UBN1: variants seen among roughly 807,000 people sequenced by gnomAD.
UBN1 encodes ubinuclein-1.
In UBN1, 17 loss-of-function variants were observed where a neutral mutation model predicts 108.5. The ratio of observed to expected loss-of-function variants is 0.16; its 90% CI spans 0.11 to 0.24. The LOEUF (loss-of-function observed/expected upper bound fraction) is 0.24. Among genes scored for constraint, UBN1 ranks in the 10% least tolerant of loss-of-function variants. The pLI, the probability that UBN1 is intolerant of heterozygous loss-of-function variation, is 1.00. For synonymous variants in UBN1, 726 were observed against 564.2 expected (o/e 1.29, Z -4.07); for missense variants, 1,595 against 1,394.4 (o/e 1.14, Z -2.29).
Position 4,877,919 on chromosome 16 carries a change from A to G in UBN1, c.3355+445A>G, listed in dbSNP as rs931605653. On this transcript the variant is annotated intron_variant, in intron 17 of 17. Coordinates refer to ENST00000262376, the MANE Select transcript of UBN1 (RefSeq NM_001079514.3). This position sits in a 1 kb window ranked among gnomAD's most constrained non-coding sequence, Gnocchi z 4.3. ...GTGATTGCTTAACAGAAGGCTCTCT[A>G]AACTTTGTTTCCATTAAAGGGAAAA... 2.3e-5 allele frequency: 20 copies of G among 853,554 alleles called. No homozygotes were observed. Among genetic ancestry groups the G allele is most frequent in the Non-Finnish European group, 2.8e-5 (20 of 709,506 alleles). 52.9% of individuals were successfully genotyped at this position (853,554 alleles called of 1,614,324 possible). A position where few individuals can be genotyped will look rare whatever the true frequency, so the allele number is the denominator to read the frequency against.
At chr16:4,878,226 C>A (rs1435822828) in intron 17 of UBN1, among the ~76,000 whole-genome samples, 1 of 152,132 alleles carries the variant, frequency 6.6e-6, no homozygotes, top group Non-Finnish European at 1.5e-5. Context: ...GGTACGCCTC[C>A]TGGAATTCTG....
In UBN1 at chr16:4,880,963, T is replaced by C. The variant is rs540578402; in HGVS notation, c.*831T>C. ...TGAGACGAAGACCTTTTTAAAGATATGTCTGTATTGAAGAGAAAGCCAGTT... is the reference window on the plus strand; with the variant it reads ...TGAGACGAAGACCTTTTTAAAGATACGTCTGTATTGAAGAGAAAGCCAGTT... On this transcript the variant is annotated 3_prime_UTR_variant, in exon 18 of 18. Transcript: ENST00000262376. The C allele has an allele frequency of 4.7e-4, 72 of 152,558 alleles. No homozygotes were observed. Among genetic ancestry groups the C allele is most frequent in the African/African-American group, 1.5e-3 (64 of 41,570 alleles). 9.5% of individuals were successfully genotyped at this position (152,558 alleles called of 1,614,324 possible). A position where few individuals can be genotyped will look rare whatever the true frequency, so the allele number is the denominator to read the frequency against.
intron 8 of UBN1, among the ~76,000 whole-genome samples, chr16:4,869,467 C>T (rs2087502148): frequency 6.6e-6 from 1 of 152,222 alleles, no homozygotes; most frequent in Non-Finnish European, 1.5e-5. Context: ...AAAAGTGAAT[C>T]CTTGTGGCCT....
chr16:4,862,011 AATTAAGCACTGAGAATTGTCTGTTCAAGT>A (rs2087090233), intron 7 of UBN1, among the ~76,000 whole-genome samples: 1 of 152,228 alleles, frequency 6.6e-6, no homozygotes, highest in South Asian at 2.1e-4. Context: ...AGTGATTGGG[AATTAAGCACTGAGAATTGTCTGTTCAAGT>A]AACACATTTC....
At chr16:4,849,600 T>A (rs1452679953) in intron 1 of UBN1, among the ~76,000 whole-genome samples, 1 of 151,900 alleles carries the variant, frequency 6.6e-6, no homozygotes, top group Non-Finnish European at 1.5e-5. Flanking sequence ...TTTTTTCTTT[T>A]TTTTGTTTGA....
chr16:4,854,122 C>G (rs1045598263), intron 2 of UBN1, among the ~76,000 whole-genome samples: 3 of 152,072 alleles, frequency 2.0e-5, no homozygotes, highest in Non-Finnish European at 4.4e-5. Flanking sequence ...CAACCTCTGC[C>G]TCCCGGGTTC....
At chr16:4,873,268 C>T (rs906551180) in intron 14 of UBN1, among the ~76,000 whole-genome samples, 195 bp downstream of exon 14, 1 of 152,188 alleles carries the variant, frequency 6.6e-6, no homozygotes, top group African/African-American at 2.4e-5. Context: ...GTTCTACAAA[C>T]AGTACCCAGC....
intron 7 of UBN1, among the ~76,000 whole-genome samples, chr16:4,868,169 C>A (rs2087428678): frequency 6.6e-6 from 1 of 152,180 alleles, no homozygotes; most frequent in Non-Finnish European, 1.5e-5. Context: ...GTCGTGGCTG[C>A]CTGCCGTGGT....
chr16:4,873,448 G>A (rs1014674760), intron 14 of UBN1, among the ~76,000 whole-genome samples: 1 of 152,184 alleles, frequency 6.6e-6, no homozygotes, highest in Non-Finnish European at 1.5e-5. Flanking sequence ...AAGAAAAGGC[G>A]ACTTTACTGA....
Position 4,864,399 on chromosome 16 carries a change from A to G in UBN1, c.1110+3297A>G, listed in dbSNP as rs2087222612. Among the ~76,000 whole-genome samples the G allele has an allele frequency of 2.0e-5, 3 of 152,300 alleles. No individual in the cohort carries two copies. The South Asian group carries it at 6.2e-4, about 32-fold the overall frequency. On this transcript the variant is annotated intron_variant, in intron 7 of 17. Transcript: ENST00000262376. The stretch of plus-strand genomic sequence containing the variant: ...TTAAAACTTTAAAAAATGTCTTTGA[A>G]AACTTGTGTATGTTAAAGAGGTCCT...
rs915187453 is a variant in UBN1 at position 4,847,622 on chromosome 16, C to G, written c.-628C>G. On this transcript the variant is annotated 5_prime_UTR_variant, in exon 1 of 18. Transcript: ENST00000262376. ...CGCCCCCGGGTCTTGGACTCCGCGC[C>G]CCTCCCCTCTCGGCGCTTCCGTTAC... is the stretch of plus-strand genomic sequence containing the variant. 4.8e-5 allele frequency: 14 copies of G among 290,104 alleles called. No individual in the cohort carries two copies. The highest frequency in any genetic ancestry group is 8.3e-5 in the Non-Finnish European group (13 of 156,004). 18.0% of individuals were successfully genotyped at this position (290,104 alleles called of 1,614,324 possible).
At chr16:4,864,123 C>T (rs1363846087) in intron 7 of UBN1, among the ~76,000 whole-genome samples, 1 of 144,370 alleles carries the variant, frequency 6.9e-6, no homozygotes, top group Non-Finnish European at 1.5e-5. Context: ...CTCCATCACC[C>T]AGGCTGGAGT....
chr16:4,859,374 A>T (rs564056960), intron 5 of UBN1, among the ~76,000 whole-genome samples: 1 of 152,186 alleles, frequency 6.6e-6, no homozygotes, highest in African/African-American at 2.4e-5. Context: ...CATTATGTCC[A>T]TGTCACATGA....
intron 17 of UBN1, among the ~76,000 whole-genome samples, chr16:4,879,526 G>A (rs530148163): frequency 1.3e-5 from 2 of 152,000 alleles, no homozygotes; most frequent in Non-Finnish European, 2.9e-5. Context: ...TACCAAAACA[G>A]GGTTATCCAA....
At chr16:4,848,413 A>G (rs986574486) in intron 1 of UBN1, 5 of 152,274 alleles carry the variant, frequency 3.3e-5, no homozygotes, top group Non-Finnish European at 7.3e-5. Context: ...CAATTTTGCA[A>G]AAGATCCCAG....
chr16:4,876,766 CTCCTTTGTGGACACACAAGGAGGA>C, intron 15 of UBN1, 81 bp from the exon 16 acceptor site: 3 of 1,496,566 alleles, frequency 2.0e-6, no homozygotes, highest in East Asian at 4.6e-5. Flanking sequence ...TGTGTATGTC[CTCCTTTGTGGACACACAAGGAGGA>C]TCCTTTGTGT....
intron 12 of UBN1, chr16:4,872,090 A>C: frequency 7.5e-6 from 5 of 670,284 alleles, no homozygotes; most frequent in Non-Finnish European, 9.2e-6. Flanking sequence ...TACATGGGAC[A>C]GAGAAAGTTA....
intron 7 of UBN1, among the ~76,000 whole-genome samples, chr16:4,861,768 C>T (rs1211872831): frequency 1.3e-5 from 2 of 152,188 alleles, no homozygotes; most frequent in Admixed American, 6.5e-5. Flanking sequence ...ATGGTGAAAC[C>T]CTGTTTCTAC....
intron 5 of UBN1, 54 bp from the exon 6 acceptor site, chr16:4,859,811 A>G: frequency 6.2e-7 from 1 of 1,610,166 alleles, no homozygotes; most frequent in Non-Finnish European, 8.5e-7. Context: ...CGTGTAGTGC[A>G]CTTGCTCCCT....
Sources: allele counts gnomAD v4.1 joint callset (sites outside exome capture counted in the v4.1 genomes callset), GRCh38; gene constraint gnomAD v4.1.1; non-coding constraint Gnocchi (gnomAD v3.1); transcripts MANE v1.5; gene names NCBI Gene and HGNC (gene_info 2026-07-23, HGNC 2026-07-21).